Variants in TCF4 observed in about 807,000 individuals in gnomAD.
TCF4 encodes SL3-3 enhancer factor 2.
In TCF4, 3 loss-of-function variants were observed where a neutral mutation model predicts 82.1. The ratio of observed to expected loss-of-function variants is 0.04; its 90% CI spans 0.02 to 0.09. The LOEUF (loss-of-function observed/expected upper bound fraction) is 0.09, where lower values mean the gene tolerates loss of function less well. Ranked by LOEUF, TCF4 falls within the 10% of genes least tolerant of loss-of-function variation. The pLI is 1.00. For missense variants in TCF4, 518 were observed against 852.7 expected, an observed-to-expected ratio of 0.61 and a Z score of 4.89; for synonymous variants, 276 against 309.6, an observed-to-expected ratio of 0.89 and a Z score of 1.14.
intron 5 of TCF4, among the ~76,000 whole-genome samples, chr18:55,440,653 C>T (rs10515972): frequency 0.012 from 1,784 of 152,256 alleles, 18 homozygotes; most frequent in African/African-American, 0.033. Flanking sequence ...ATGATCTCAT[C>T]GGTAATCTTT....
intron 8 of TCF4, among the ~76,000 whole-genome samples, chr18:55,329,465 T>G (rs2147719856): frequency 6.6e-6 from 1 of 152,184 alleles, no homozygotes; most frequent in East Asian, 1.9e-4. Context: ...AAGACTTTTT[T>G]TAAAGAGATA....
At chr18:55,565,229 A>T (rs1328066600) in intron 3 of TCF4, among the ~76,000 whole-genome samples, 1 of 152,172 alleles carries the variant, frequency 6.6e-6, no homozygotes, top group Non-Finnish European at 1.5e-5. Flanking sequence ...TTAAAGAGTA[A>T]ATCAGAATTC....
At chr18:55,245,713 T>C (rs2052875171) in intron 15 of TCF4, among the ~76,000 whole-genome samples, 1 of 152,214 alleles carries the variant, frequency 6.6e-6, no homozygotes, top group Admixed American at 6.5e-5. Flanking sequence ...TGTCTCTAAT[T>C]GTTGAAATTC....
intron 2 of TCF4, among the ~76,000 whole-genome samples, chr18:55,610,425 G>A (rs1263983987): frequency 2.0e-5 from 3 of 152,174 alleles, no homozygotes; most frequent in Admixed American, 2.0e-4. Context: ...AGGACATGGA[G>A]GCTCTGATCC....
chr18:55,345,145 T>A (rs1393987084), intron 8 of TCF4, among the ~76,000 whole-genome samples: 1 of 152,134 alleles, frequency 6.6e-6, no homozygotes, highest in Non-Finnish European at 1.5e-5. Flanking sequence ...AAGCCTCTTG[T>A]GTGCTTTCTG....
chr18:55,468,816 T>C (rs2096091516), intron 3 of TCF4, among the ~76,000 whole-genome samples: 1 of 151,612 alleles, frequency 6.6e-6, no homozygotes, highest in Non-Finnish European at 1.5e-5. Context: ...GTGAAATCCA[T>C]TAAGGCAACA....
intron 3 of TCF4, among the ~76,000 whole-genome samples, chr18:55,519,353 A>G (rs2096913161): frequency 6.6e-6 from 1 of 151,672 alleles, no homozygotes; most frequent in Non-Finnish European, 1.5e-5. Flanking sequence ...AGGATTGCTT[A>G]AGCCAGGCAG....
At chr18:55,327,812 C>G (rs998183314) in intron 8 of TCF4, among the ~76,000 whole-genome samples, 1 of 152,058 alleles carries the variant, frequency 6.6e-6, no homozygotes, top group African/African-American at 2.4e-5. Flanking sequence ...TAAAAACTCA[C>G]ACAGACATAT....
At chr18:55,243,731 G>A (rs2052108999) in intron 15 of TCF4, among the ~76,000 whole-genome samples, 1 of 152,094 alleles carries the variant, frequency 6.6e-6, no homozygotes, top group Non-Finnish European at 1.5e-5. Context: ...CAATGATTAA[G>A]TTGTGAGGGT....
At position 55,493,480 on chromosome 18, in the gene TCF4, T is replaced by C. The variant is rs149847642; in HGVS notation, c.146-29343A>G. ...TAAAATGCTGGTCTACATTATTCTTTCAGAAGGCTCAATAGGAAAAGGGAA... is the reference window on the plus strand; with the variant it reads ...TAAAATGCTGGTCTACATTATTCTTCCAGAAGGCTCAATAGGAAAAGGGAA... On this transcript the variant is annotated intron_variant, in intron 3 of 19. Transcript: ENST00000354452. Among the ~76,000 whole-genome samples the C allele has an allele frequency of 1.9e-4, 29 of 152,232 alleles. 1 individual carries two copies. In the East Asian group the frequency reaches 5.0e-3, roughly 26 times the overall value.
intron 3 of TCF4, among the ~76,000 whole-genome samples, chr18:55,496,798 T>C (rs2096641361): frequency 6.8e-6 from 1 of 147,702 alleles, no homozygotes; most frequent in Admixed American, 7.0e-5. Context: ...CTCTAAATAG[T>C]AGAATATATA....
intron 8 of TCF4, among the ~76,000 whole-genome samples, chr18:55,330,660 G>C (rs1468485967): frequency 6.6e-6 from 1 of 152,114 alleles, no homozygotes; most frequent in Admixed American, 6.5e-5. Context: ...CTGCCTCCCA[G>C]GTTCAAGCAA....
chr18:55,331,849 C>T (rs1390818296), intron 8 of TCF4, among the ~76,000 whole-genome samples: 2 of 152,118 alleles, frequency 1.3e-5, no homozygotes, highest in Non-Finnish European at 2.9e-5. Context: ...ATTTGCTGTC[C>T]TGGCAGAGAG....
intron 6 of TCF4, among the ~76,000 whole-genome samples, chr18:55,352,830 G>A (rs1244631729): frequency 6.6e-6 from 1 of 152,068 alleles, no homozygotes; most frequent in African/African-American, 2.4e-5. Flanking sequence ...TATTAACAAA[G>A]AAAGTTACAG....
At chr18:55,543,045 TAC>T (rs1375364183) in intron 3 of TCF4, among the ~76,000 whole-genome samples, 1 of 152,110 alleles carries the variant, frequency 6.6e-6, no homozygotes, top group African/African-American at 2.4e-5. Context: ...GTTCCCATTT[TAC>T]AGAGGCTCAA....
At chr18:55,510,770 G>A (rs1356661377) in intron 3 of TCF4, 1 of 1,258,864 alleles carries the variant, frequency 7.9e-7, no homozygotes. Flanking sequence ...ATGAGTTAAT[G>A]ATGACCGTAG....
At chr18:55,403,811 T>C (rs2093954451) in intron 5 of TCF4, 24 of 1,502,698 alleles carry the variant, frequency 1.6e-5, no homozygotes, top group Non-Finnish European at 1.9e-5. Flanking sequence ...TTATTTTCAC[T>C]TTCTCTTGCA....
At chr18:55,588,305 T>C, upstream of TCF4, 2 of 1,450,568 alleles carry the variant, frequency 1.4e-6, no homozygotes, top group Non-Finnish European at 1.8e-6. Context: ...GAATTGCAAG[T>C]TCAGCAAAGA....
chr18:55,301,675 C>T lies in TCF4; in HGVS notation c.550-22019G>A, dbSNP rs377203171. ...CAGATGGGCCTAGGGAGCACAGAAC[C>T]GTGTAAACACTTTAAATTATAAAAG... is the stretch of plus-strand genomic sequence containing the variant. On this transcript the variant is annotated intron_variant, in intron 8 of 19. Coordinates refer to ENST00000354452, the MANE Select transcript of TCF4 (RefSeq NM_001083962.2). 1.1e-4 allele frequency among the ~76,000 whole-genome samples: 16 copies of T among 150,970 alleles called. No individual in the cohort carries two copies. The East Asian group carries it at 1.6e-3, about 15-fold the overall frequency.
Sources: allele counts gnomAD v4.1 joint callset (sites outside exome capture counted in the v4.1 genomes callset), GRCh38; gene constraint gnomAD v4.1.1; transcripts MANE v1.5; gene names NCBI Gene and HGNC (gene_info 2026-07-23, HGNC 2026-07-21).